Variants in CCSER1 observed in about 807,000 individuals in gnomAD.
CCSER1 encodes serine-rich coiled-coil domain-containing protein 1.
A neutral mutation model predicts 82.0 loss-of-function variants in CCSER1; 41 were observed. The observed-to-expected ratio is 0.50, with a 90% CI of 0.39 to 0.65. The LOEUF is 0.65. Among genes scored for constraint, CCSER1 ranks in the 30% least tolerant of loss-of-function variants. CCSER1 has a pLI of 0.00. For synonymous variants in CCSER1, 414 were observed against 383.9 expected, an observed-to-expected ratio of 1.08 and a Z score of -0.92; for missense variants, 1,119 against 1,064.2, an observed-to-expected ratio of 1.05 and a Z score of -0.72.
rs974051025 is a variant in CCSER1 at position 90,308,921 on chromosome 4, G to A, written c.637G>A (p.Val213Ile). 6.2e-7 allele frequency: 1 copy of A among 1,613,870 alleles called. No homozygotes were observed. The highest frequency in any genetic ancestry group is 1.7e-5 in the Admixed American group (1 of 59,968). ...LVQQSEFSLE[V>I]TQYQEREPVL... is the part of the protein sequence containing the mutation. ...ACAACAGTCTGAATTCTCATTGGAA[G>A]TTACACAGTACCAAGAGAGAGAACC... is the stretch of plus-strand genomic sequence containing the variant. Residue 213 changes from valine to isoleucine, a missense_variant, in exon 2 of 11, where the codon GTT (valine) becomes ATT (isoleucine). By Grantham distance (29) the Val-to-Ile change is conservative. Transcript: ENST00000509176.
intron 5 of CCSER1, among the ~76,000 whole-genome samples, chr4:90,489,875 T>C (rs1767701361): frequency 6.6e-6 from 1 of 152,210 alleles, no homozygotes; most frequent in South Asian, 2.1e-4. Flanking sequence ...GGCTGCATAG[T>C]ATTCCATGGT....
At chr4:90,671,466 C>T (rs1227126252) in intron 6 of CCSER1, among the ~76,000 whole-genome samples, 6 of 152,030 alleles carry the variant, frequency 3.9e-5, no homozygotes, top group Admixed American at 1.3e-4. Context: ...TTTTTCTGCT[C>T]ATCTGTAAGA....
intron 10 of CCSER1, among the ~76,000 whole-genome samples, chr4:91,251,432 G>A (rs377242273): frequency 3.3e-5 from 5 of 152,198 alleles, no homozygotes; most frequent in African/African-American, 1.2e-4. Context: ...ATTTAAATTT[G>A]TGGGGAGGGG....
intron 8 of CCSER1, among the ~76,000 whole-genome samples, chr4:90,870,837 C>T (rs7692350): frequency 0.42 from 58,897 of 140,144 alleles, 12,984 homozygotes; most frequent in African/African-American, 0.55. Flanking sequence ...TTTTTTTTAC[C>T]GGGAGACTAT....
chr4:90,490,342 A>G (rs1049650612), intron 5 of CCSER1, among the ~76,000 whole-genome samples: 9 of 152,076 alleles, frequency 5.9e-5, no homozygotes, highest in African/African-American at 1.7e-4. Flanking sequence ...GTCTGTTCAT[A>G]TCCTTCACCC....
intron 5 of CCSER1, among the ~76,000 whole-genome samples, chr4:90,519,170 C>T (rs1043056357): frequency 1.3e-5 from 2 of 151,664 alleles, no homozygotes; most frequent in East Asian, 1.9e-4. Flanking sequence ...TTCATTTATT[C>T]ATTCATTCAT....
rs1406577475 is a variant in CCSER1 at position 90,152,930 on chromosome 4, A to G, written c.-42+25099A>G. ...TTTGAGTTTTAGGGTACATGTGCAC[A>G]ATGTGCAGGTTAGTTACATATGTAT... On this transcript the variant is annotated intron_variant, in intron 1 of 10. Transcript: ENST00000509176. Among the ~76,000 whole-genome samples the G allele has an allele frequency of 3.3e-5, 5 of 151,118 alleles. No homozygotes were observed. In the East Asian group the frequency reaches 9.8e-4, roughly 29 times the overall value.
At chr4:91,265,974 A>G (rs568142746) in intron 10 of CCSER1, among the ~76,000 whole-genome samples, 1 of 152,260 alleles carries the variant, frequency 6.6e-6, no homozygotes, top group Admixed American at 6.5e-5. Context: ...CAGCAGCAAG[A>G]GGGAAAGAGA....
chr4:90,736,973 AC>A (rs1269367020), intron 7 of CCSER1, among the ~76,000 whole-genome samples: 1 of 152,136 alleles, frequency 6.6e-6, no homozygotes, highest in Non-Finnish European at 1.5e-5. Context: ...GAACAAACAA[AC>A]AAGTACAGAG....
intron 10 of CCSER1, among the ~76,000 whole-genome samples, chr4:91,275,204 T>C (rs997588488): frequency 6.6e-6 from 1 of 152,194 alleles, no homozygotes; most frequent in Non-Finnish European, 1.5e-5. Context: ...TTTCAAGAAA[T>C]ATTCATACTG....
chr4:91,122,304 G>C (rs1727154434), intron 10 of CCSER1, among the ~76,000 whole-genome samples: 1 of 151,560 alleles, frequency 6.6e-6, no homozygotes. Flanking sequence ...AATAATTCTT[G>C]GTCAAACCTA....
chr4:91,191,907 T>G (rs2149049671), intron 10 of CCSER1, among the ~76,000 whole-genome samples: 1 of 152,302 alleles, frequency 6.6e-6, no homozygotes, highest in Non-Finnish European at 1.5e-5. Flanking sequence ...TTTCCATTGC[T>G]TGCAGCCTAG....
chr4:91,419,364 T>A lies in CCSER1; in HGVS notation c.2218-179208T>A, dbSNP rs200621459. Among the ~76,000 whole-genome samples the A allele has an allele frequency of 4.6e-5, 7 of 152,136 alleles. No individual in the cohort carries two copies. The East Asian group carries it at 1.2e-3, about 25-fold the overall frequency. Reference sequence around the variant, plus strand: ...CAGTAAAAACTGTCAAGCTAATAAATGAATTTGGTAAAATCGTAGATTCAA... The same window carrying A: ...CAGTAAAAACTGTCAAGCTAATAAAAGAATTTGGTAAAATCGTAGATTCAA... On this transcript the variant is annotated intron_variant, in intron 10 of 10. Transcript: ENST00000509176.
chr4:91,091,844 A>G (rs1444198577), intron 10 of CCSER1, among the ~76,000 whole-genome samples: 2 of 152,138 alleles, frequency 1.3e-5, no homozygotes, highest in Admixed American at 1.3e-4. Flanking sequence ...GGTCACCTGG[A>G]GAAAAAGGGT....
At chr4:90,974,829 A>G (rs1281662535) in intron 9 of CCSER1, among the ~76,000 whole-genome samples, 2 of 151,444 alleles carry the variant, frequency 1.3e-5, no homozygotes, top group African/African-American at 2.4e-5. Context: ...TCTATTAAAC[A>G]TAGAATTACC....
chr4:91,573,885 A>C (rs1352456878), intron 10 of CCSER1, among the ~76,000 whole-genome samples: 1 of 152,156 alleles, frequency 6.6e-6, no homozygotes, highest in African/African-American at 2.4e-5. Flanking sequence ...TTCAAAAAAG[A>C]AATTAAGAAA....
chr4:91,305,787 G>C (rs1012635821), intron 10 of CCSER1, among the ~76,000 whole-genome samples: 1 of 151,888 alleles, frequency 6.6e-6, no homozygotes, highest in African/African-American at 2.4e-5. Context: ...TGACTGGGGA[G>C]GCCTCACAAT....
At chr4:91,051,434 G>A (rs1742998626) in intron 9 of CCSER1, among the ~76,000 whole-genome samples, 1 of 152,122 alleles carries the variant, frequency 6.6e-6, no homozygotes, top group Non-Finnish European at 1.5e-5. Flanking sequence ...TGTTAGAAAT[G>A]TGAGTTTTCA....
intron 8 of CCSER1, among the ~76,000 whole-genome samples, chr4:90,902,563 G>T (rs1724815348): frequency 6.6e-6 from 1 of 152,098 alleles, no homozygotes; most frequent in Non-Finnish European, 1.5e-5. Context: ...GGGGCCCAGT[G>T]CTCTGTTTGG....
Sources: allele counts gnomAD v4.1 joint callset (sites outside exome capture counted in the v4.1 genomes callset), GRCh38; gene constraint gnomAD v4.1.1; transcripts MANE v1.5; gene names NCBI Gene and HGNC (gene_info 2026-07-23, HGNC 2026-07-21).